Variants in NEDD4 observed in about 807,000 individuals in gnomAD.
NEDD4 encodes the protein E3 ubiquitin-protein ligase NEDD4.
NEDD4 carries 99 observed loss-of-function variants against 144.9 expected under a neutral mutation model. The ratio of observed to expected loss-of-function variants is 0.68; its 90% confidence interval spans 0.58 to 0.81. NEDD4 has a LOEUF of 0.81. Ranked by LOEUF, NEDD4 falls within the 30% of genes least tolerant of loss-of-function variation. NEDD4 has a pLI of 0.00. For missense variants in NEDD4, 985 were observed against 1,065.9 expected (o/e 0.92, Z 1.06); for synonymous variants, 318 against 350.6 (o/e 0.91, Z 1.04).
chr15:55,967,752 G>A (rs976135905), intron 1 of NEDD4, among the ~76,000 whole-genome samples: 5 of 151,744 alleles, frequency 3.3e-5, no homozygotes, highest in South Asian at 2.1e-4. Flanking sequence ...CAGTTATGCC[G>A]GCACACACCT....
At chr15:55,926,408 T>C (rs1032832755) in intron 4 of NEDD4, among the ~76,000 whole-genome samples, 8 of 152,168 alleles carry the variant, frequency 5.3e-5, no homozygotes, top group Non-Finnish European at 1.2e-4. Context: ...TGCAGCCGTA[T>C]TGTGACCATG....
At chr15:55,865,769 T>G (rs180755642) in intron 8 of NEDD4, among the ~76,000 whole-genome samples, 43 of 150,954 alleles carry the variant, frequency 2.8e-4, no homozygotes, top group African/African-American at 1.0e-3. Context: ...GGGAAAAGAG[T>G]TGGGAAGGAA....
chr15:55,859,509 C>T (rs1247788363), intron 11 of NEDD4, among the ~76,000 whole-genome samples: 2 of 152,140 alleles, frequency 1.3e-5, no homozygotes, highest in African/African-American at 4.8e-5. Flanking sequence ...GCCTGGCCAA[C>T]AGGGTGAAAC....
At chr15:55,964,288 CTGTTGT>C (rs77913535) in intron 2 of NEDD4, among the ~76,000 whole-genome samples, 9 of 151,734 alleles carry the variant, frequency 5.9e-5, no homozygotes, top group Non-Finnish European at 1.0e-4. Context: ...CCTCAAGGCT[CTGTTGT>C]TGTTGTTGTT....
At position 55,848,574 on chromosome 15, in the gene NEDD4, G is replaced by T. The variant is rs772047463; in HGVS notation, c.1430C>A (p.Pro477Gln). 1 of 1,611,810 alleles carries T rather than the reference G, an allele frequency of 6.2e-7. No homozygotes were observed. The highest frequency in any genetic ancestry group is 1.3e-5 in the African/African-American group (1 of 74,858). The change falls in exon 16 of 29, where the codon CCA becomes CAA. Residue 477 changes from proline to glutamine, a missense_variant and splice_region_variant. By Grantham distance (76) the Pro-to-Gln change is moderately conservative (BLOSUM62 -1). Transcript: ENST00000435532. ...TGTGTGAGTTCTCTCTTCCCATCCT[G>T]GCTATAATTAAAAATGTATTTCAAT... ...DTSNDLGPLPPGWEERTHTDG... is the reference protein window; with the variant it reads ...DTSNDLGPLPQGWEERTHTDG...
intron 1 of NEDD4, among the ~76,000 whole-genome samples, chr15:55,992,474 C>T (rs1198242569): frequency 6.6e-6 from 1 of 152,156 alleles, no homozygotes; most frequent in Non-Finnish European, 1.5e-5. Flanking sequence ...CTTAAGCAAG[C>T]AGTATAAATT....
At chr15:55,963,914 G>A (rs1374207696) in intron 2 of NEDD4, among the ~76,000 whole-genome samples, 1 of 152,104 alleles carries the variant, frequency 6.6e-6, no homozygotes, top group Non-Finnish European at 1.5e-5. Flanking sequence ...TGGATTGATG[G>A]TTGTTATTTT....
intron 5 of NEDD4, among the ~76,000 whole-genome samples, chr15:55,899,614 T>A (rs2035848587): frequency 6.6e-6 from 1 of 152,204 alleles, no homozygotes; most frequent in Non-Finnish European, 1.5e-5. Context: ...CCTTCAGCCA[T>A]AACCACCTAG....
At chr15:55,873,701 CT>C (rs1452922896) in intron 6 of NEDD4, among the ~76,000 whole-genome samples, 118 of 12,736 alleles carry the variant, frequency 9.3e-3, no homozygotes, top group African/African-American at 0.018. Flanking sequence ...TCAAACTAAT[CT>C]TTTTTACACA....
rs1446669430 is a variant in NEDD4 at position 55,833,161 on chromosome 15, T to C, written c.2431-57A>G. ...AGCACTGGGAAAGAGGTAAACAAAT[T>C]ATCCTGAAACATAAGCTATCGGAAT... On this transcript the variant is annotated intron_variant, in intron 26 of 28. Transcript: ENST00000435532. 4.7e-6 allele frequency: 5 copies of C among 1,063,152 alleles called. No homozygotes were observed. The African/African-American group carries it at 7.9e-5, about 17-fold the overall frequency. 65.9% of individuals were successfully genotyped at this position (1,063,152 alleles called of 1,614,324 possible).
intron 5 of NEDD4, among the ~76,000 whole-genome samples, chr15:55,880,788 T>C (rs2035162751): frequency 6.6e-6 from 1 of 151,968 alleles, no homozygotes; most frequent in Non-Finnish European, 1.5e-5. Context: ...CCTAGAAGAG[T>C]AGGGATAATC....
At chr15:55,877,755 C>T (rs1171548271) in intron 5 of NEDD4, among the ~76,000 whole-genome samples, 2 of 151,928 alleles carry the variant, frequency 1.3e-5, no homozygotes, top group African/African-American at 2.4e-5. Flanking sequence ...TTTCCCCTTC[C>T]TCCCATTTAT....
intron 9 of NEDD4, among the ~76,000 whole-genome samples, chr15:55,861,733 T>C (rs2034416447): frequency 1.3e-5 from 2 of 152,184 alleles, no homozygotes; most frequent in African/African-American, 4.8e-5. Flanking sequence ...CAGTCATTTA[T>C]ATTATTCTAA....
At chr15:55,970,951 C>A (rs2037597999) in intron 1 of NEDD4, among the ~76,000 whole-genome samples, 1 of 152,144 alleles carries the variant, frequency 6.6e-6, no homozygotes, top group Non-Finnish European at 1.5e-5. Flanking sequence ...AATAGGGCAC[C>A]AGTGACCAAT....
chr15:55,928,196 G>A (rs1160060830), intron 4 of NEDD4, among the ~76,000 whole-genome samples: 1 of 152,080 alleles, frequency 6.6e-6, no homozygotes, highest in African/African-American at 2.4e-5. Context: ...TTTTTTAGTA[G>A]AGACAGGGTT....
intron 1 of NEDD4, among the ~76,000 whole-genome samples, chr15:55,989,568 G>A (rs1024512635): frequency 3.3e-5 from 5 of 152,150 alleles, no homozygotes; most frequent in African/African-American, 9.7e-5. Flanking sequence ...GCACTGTTGT[G>A]GCTGCTGCCA....
intron 5 of NEDD4, chr15:55,924,400 A>C (rs1162009319): frequency 7.3e-6 from 3 of 413,480 alleles, no homozygotes; most frequent in Non-Finnish European, 1.3e-5. Context: ...TCCTGTCACA[A>C]GAGGTCTTGA....
chr15:55,963,582 T>C (rs1243122210), intron 2 of NEDD4, among the ~76,000 whole-genome samples: 1 of 152,220 alleles, frequency 6.6e-6, no homozygotes, highest in Non-Finnish European at 1.5e-5. Flanking sequence ...AGTTGTTTTA[T>C]GTATTCCATT....
At chr15:55,833,405 C>T (rs2033049173) in intron 26 of NEDD4, among the ~76,000 whole-genome samples, 1 of 152,086 alleles carries the variant, frequency 6.6e-6, no homozygotes, top group Admixed American at 6.6e-5. Context: ...TGCCTATAAT[C>T]CCAGCACTCT....
Sources: allele counts gnomAD v4.1 joint callset (sites outside exome capture counted in the v4.1 genomes callset), GRCh38; gene constraint gnomAD v4.1.1; transcripts MANE v1.5; gene names NCBI Gene and HGNC (gene_info 2026-07-23, HGNC 2026-07-21).